The following COL26A1 variants were observed in gnomAD, a reference collection of about 807,000 sequenced individuals.
The protein encoded by COL26A1 is collagen type XXVI alpha 1 chain, also known as collagen alpha-1(XXVI) chain.
Under a neutral mutation model 59.3 loss-of-function variants are expected in COL26A1, and 41 were observed. That is an observed-to-expected ratio of 0.69 (90% CI 0.54 to 0.90). The LOEUF is 0.90. Ranked by LOEUF, COL26A1 falls within the 40% of genes least tolerant of loss-of-function variation. The pLI is 0.00. For synonymous variants in COL26A1, 266 were observed against 256.0 expected, an observed-to-expected ratio of 1.04 and a Z score of -0.37; for missense variants, 612 against 602.3, an observed-to-expected ratio of 1.02 and a Z score of -0.17.
chr7:101,387,778 A>ATTTTTTTTTT (rs1554404085), intron 1 of COL26A1, among the ~76,000 whole-genome samples: 20 of 84,808 alleles, frequency 2.4e-4, no homozygotes, highest in African/African-American at 2.5e-4. Context: ...ATATATATAT[A>ATTTTTTTTTT]TTTTTTTTTA....
In COL26A1 at chr7:101,420,113, G is replaced by A. The variant is rs181827370; in HGVS notation, c.281+14G>A. On this transcript the variant is annotated intron_variant, in intron 2 of 12. Transcript: ENST00000313669. ...CAACCTCGTAAGGTAAAGGCCGCTG[G>A]GCTAGGCTGCTCTGCCCTTCCCTCC... 6.2e-7 allele frequency: 1 copy of A among 1,611,668 alleles called. No homozygotes were observed. The highest frequency in any genetic ancestry group is 1.3e-5 in the African/African-American group (1 of 75,044).
intron 3 of COL26A1, among the ~76,000 whole-genome samples, chr7:101,528,326 A>T (rs1220548823): frequency 2.0e-5 from 3 of 152,004 alleles, no homozygotes; most frequent in Non-Finnish European, 4.4e-5. Context: ...GGCCCTTGAA[A>T]CACTCTGCTC....
chr7:101,546,191 C>T (rs1190975863), intron 7 of COL26A1, among the ~76,000 whole-genome samples: 1 of 152,128 alleles, frequency 6.6e-6, no homozygotes, highest in Non-Finnish European at 1.5e-5. Context: ...TCCGTGAGCC[C>T]TGAGAGGAGC....
chr7:101,489,599 CTTT>C, intron 3 of COL26A1, among the ~76,000 whole-genome samples: 1 of 145,150 alleles, frequency 6.9e-6, no homozygotes, highest in South Asian at 2.3e-4. Flanking sequence ...TATTTTCTTT[CTTT>C]TTCTTTCTTT....
chr7:101,401,653 GGAGGAGGAA>G (rs55938943), intron 1 of COL26A1, among the ~76,000 whole-genome samples: 60,096 of 144,140 alleles, frequency 0.42, 14,811 homozygotes, highest in Middle Eastern at 0.58. Context: ...AGGAGGAGGT[GGAGGAGGAA>G]GAGGAGGAAG....
At chr7:101,460,317 A>C (rs1211684726) in intron 3 of COL26A1, among the ~76,000 whole-genome samples, 1 of 152,124 alleles carries the variant, frequency 6.6e-6, no homozygotes, top group South Asian at 2.1e-4. Context: ...GATTCACAGG[A>C]GGTAGAGATC....
At chr7:101,535,110 T>C (rs1238674952) in intron 4 of COL26A1, among the ~76,000 whole-genome samples, 1 of 152,134 alleles carries the variant, frequency 6.6e-6, no homozygotes, top group Middle Eastern at 3.2e-3. Flanking sequence ...GGGCAGGGTC[T>C]CCCAGCAGCC....
chr7:101,528,104 GC>G, intron 3 of COL26A1, among the ~76,000 whole-genome samples: 1 of 152,254 alleles, frequency 6.6e-6, no homozygotes, highest in East Asian at 1.9e-4. Flanking sequence ...GGCCTCTAGG[GC>G]CTCACCACAG....
intron 3 of COL26A1, among the ~76,000 whole-genome samples, chr7:101,476,586 T>G (rs1321744088): frequency 1.3e-5 from 2 of 151,120 alleles, no homozygotes; most frequent in Non-Finnish European, 3.0e-5. Context: ...CTCGCTCTGT[T>G]GCCCAGGCTG....
At chr7:101,405,412 C>T (rs1792106271) in intron 1 of COL26A1, among the ~76,000 whole-genome samples, 1 of 151,824 alleles carries the variant, frequency 6.6e-6, no homozygotes, top group African/African-American at 2.4e-5. Flanking sequence ...CAGCTCACTA[C>T]AGCCTTGGAC....
In COL26A1 at chr7:101,473,672, A is replaced by G. The variant is rs531631531; in HGVS notation, c.385+25885A>G. ...CACACACAAACACACACAACAAAAA[A>G]CAAAAACAAAAACAAAACAAAACAA... On this transcript the variant is annotated intron_variant, in intron 3 of 12. Transcript: ENST00000313669. Among the ~76,000 whole-genome samples the G allele has an allele frequency of 2.1e-3, 314 of 151,628 alleles. 2 individuals are homozygous for G. The highest frequency in any genetic ancestry group is 7.3e-3 in the African/African-American group (303 of 41,338).
At chr7:101,502,077 C>T (rs1273748832) in intron 3 of COL26A1, among the ~76,000 whole-genome samples, 3 of 152,212 alleles carry the variant, frequency 2.0e-5, no homozygotes, top group Admixed American at 6.5e-5. Flanking sequence ...AGGCCGGGTG[C>T]GGTGGCTGAC....
rs575047856 is a variant in COL26A1, at chr7:101,406,794, T to TA, written c.159-13176dup. 5.1e-4 allele frequency among the ~76,000 whole-genome samples: 77 copies of TA among 151,942 alleles called. 1 individual carries two copies. The Middle Eastern group carries it at 0.01, about 20-fold the overall frequency. On this transcript the variant is annotated intron_variant, in intron 1 of 12. Transcript: ENST00000313669. ...GACCCCATCTCTGCAAAACATTTCT[T>TA]AAAAAAATAGCTGGGCATGGTGGCA... is the stretch of plus-strand genomic sequence containing the variant.
intron 3 of COL26A1, among the ~76,000 whole-genome samples, chr7:101,466,837 T>TGTGTGTGTGTGTGTGTGTGTGAGAGA (rs764059657): frequency 8.2e-6 from 1 of 122,642 alleles, no homozygotes; most frequent in Non-Finnish European, 1.7e-5. Context: ...TGTGTGTGTG[T>TGTGTGTGTGTGTGTGTGTGTGAGAGA]GAGAGAGAGA....
intron 1 of COL26A1, among the ~76,000 whole-genome samples, chr7:101,370,832 C>T (rs948786164): frequency 1.3e-5 from 2 of 152,222 alleles, no homozygotes; most frequent in Non-Finnish European, 2.9e-5. Context: ...ACCACAAGCA[C>T]CCTTCCTCCA....
intron 3 of COL26A1, among the ~76,000 whole-genome samples, chr7:101,496,110 A>G (rs1563011982): frequency 6.6e-6 from 1 of 152,140 alleles, no homozygotes; most frequent in Non-Finnish European, 1.5e-5. Context: ...GCGGCTTAGC[A>G]TGACTAGGCA....
intron 1 of COL26A1, among the ~76,000 whole-genome samples, chr7:101,419,609 C>T (rs376981271): frequency 7.2e-5 from 11 of 152,210 alleles, no homozygotes; most frequent in African/African-American, 2.7e-4. Flanking sequence ...GGGCGAGATG[C>T]CCTGCTCCGT....
At chr7:101,385,033 C>T (rs1209184261) in intron 1 of COL26A1, among the ~76,000 whole-genome samples, 1 of 152,050 alleles carries the variant, frequency 6.6e-6, no homozygotes, top group Non-Finnish European at 1.5e-5. Flanking sequence ...GCTCCTTTCA[C>T]CTTCTCTGCC....
chr7:101,469,411 TGCTCCCACGTCAGATGCCGGCCATAAAC>T (rs1793839836), intron 3 of COL26A1, among the ~76,000 whole-genome samples: 1 of 152,006 alleles, frequency 6.6e-6, no homozygotes. Context: ...ACCATAAGAC[TGCTCCCACGTCAGATGCCGGCCATAAAC>T]GGGGTGCCCA....
Sources: allele counts gnomAD v4.1 joint callset (sites outside exome capture counted in the v4.1 genomes callset), GRCh38; gene constraint gnomAD v4.1.1; transcripts MANE v1.5; gene names NCBI Gene and HGNC (gene_info 2026-07-23, HGNC 2026-07-21).